The following HMCN1 variants were observed in gnomAD, a reference collection of about 807,000 sequenced individuals.
HMCN1 encodes hemicentin 1, also known as hemicentin-1.
HMCN1 carries 321 observed loss-of-function variants against 625.9 expected under a neutral mutation model. That is an observed-to-expected ratio of 0.51 (90% CI 0.47 to 0.56). The LOEUF (loss-of-function observed/expected upper bound fraction) is 0.56, where lower values mean the gene tolerates loss of function less well. Among genes scored for constraint, HMCN1 ranks in the 20% least tolerant of loss-of-function variants. HMCN1 has a pLI of 0.00. For synonymous variants in HMCN1, 2,425 were observed against 2,417.6 expected, an observed-to-expected ratio of 1.00 and a Z score of -0.09; for missense variants, 6,588 against 6,887.3, an observed-to-expected ratio of 0.96 and a Z score of 1.54.
At chr1:185,794,449 G>A (rs1194731950) in intron 1 of HMCN1, among the ~76,000 whole-genome samples, 2 of 150,548 alleles carry the variant, frequency 1.3e-5, no homozygotes, top group Non-Finnish European at 2.9e-5. Flanking sequence ...GCCAGTCTGA[G>A]TCCCAAAGCT....
At chr1:185,923,263 T>A in intron 7 of HMCN1, 127 bp from the exon 8 acceptor site, 1 of 750,038 alleles carries the variant, frequency 1.3e-6, no homozygotes, top group Non-Finnish European at 2.3e-6. Flanking sequence ...GAAACAATTC[T>A]GCAACTGATC....
chr1:185,857,513 T>C (rs1662545167), intron 2 of HMCN1, among the ~76,000 whole-genome samples: 1 of 151,974 alleles, frequency 6.6e-6, no homozygotes, highest in East Asian at 1.9e-4. Flanking sequence ...TTTTAGGAAA[T>C]ATATTTACAT....
intron 1 of HMCN1, among the ~76,000 whole-genome samples, chr1:185,735,248 G>A (rs568468627): frequency 6.6e-6 from 1 of 152,274 alleles, no homozygotes; most frequent in East Asian, 1.9e-4. Flanking sequence ...TGGTGGAGAT[G>A]GCTTGTTTAG....
At chr1:186,086,792 AGAT>A (rs1341224959) in intron 58 of HMCN1, among the ~76,000 whole-genome samples, 11 of 121,762 alleles carry the variant, frequency 9.0e-5, no homozygotes, top group African/African-American at 2.5e-4. Flanking sequence ...ATAGATAGAT[AGAT>A]GATAGATAGA....
intron 1 of HMCN1, among the ~76,000 whole-genome samples, chr1:185,743,785 A>T (rs936803385): frequency 2.0e-5 from 3 of 152,174 alleles, no homozygotes; most frequent in Non-Finnish European, 4.4e-5. Context: ...TGATGCTATC[A>T]TGGTTAAATA....
intron 55 of HMCN1, among the ~76,000 whole-genome samples, chr1:186,080,811 T>C (rs1325012386): frequency 6.6e-6 from 1 of 152,194 alleles, no homozygotes; most frequent in Admixed American, 6.5e-5. Flanking sequence ...GTGTAATTTT[T>C]CTGTCCCCTC....
At chr1:186,040,821 C>A (rs1656152679) in intron 39 of HMCN1, among the ~76,000 whole-genome samples, 192 bp from the exon 40 acceptor site, 1 of 151,196 alleles carries the variant, frequency 6.6e-6, no homozygotes, top group East Asian at 1.9e-4. Context: ...TTAATTCCAG[C>A]CTCTTAACAT....
At chr1:185,846,001 A>C in intron 1 of HMCN1, 25 bp from the exon 2 acceptor site, 6 of 1,481,672 alleles carry the variant, frequency 4.0e-6, no homozygotes, top group Non-Finnish European at 5.7e-6. Flanking sequence ...CTGTTTATTG[A>C]CCTATGTTAT....
chr1:185,776,274 G>A (rs1195443491), intron 1 of HMCN1, among the ~76,000 whole-genome samples: 2 of 152,036 alleles, frequency 1.3e-5, no homozygotes, highest in African/African-American at 4.8e-5. Context: ...GAGCACAGAT[G>A]TCTTTCTGCA....
chr1:186,093,614 C>G lies in HMCN1; in HGVS notation c.10141C>G (p.Leu3381Val). The change falls in exon 66 of 107, where the codon CTT becomes GTT. Residue 3381 changes from leucine to valine, a missense_variant. Coordinates refer to ENST00000271588, the MANE Select transcript of HMCN1 (RefSeq NM_031935.3). ...PPQINWLKNGLPLPLSSHIRL... is the reference protein window; with the variant it reads ...PPQINWLKNGVPLPLSSHIRL... Reference sequence around the variant, plus strand: ...ACAGATAAACTGGCTGAAGAATGGACTTCCTCTGCCTCTCTCCTCCCATAT... The same window carrying G: ...ACAGATAAACTGGCTGAAGAATGGAGTTCCTCTGCCTCTCTCCTCCCATAT... The G allele has an allele frequency of 6.2e-7, 1 of 1,613,458 alleles. No individual in the cohort carries two copies. The highest frequency in any genetic ancestry group is 8.5e-7 in the Non-Finnish European group (1 of 1,179,634).
rs764216904 is a variant in HMCN1 at position 186,190,093 on chromosome 1, TTTTA to T, written c.*222_*225del. The T allele has an allele frequency of 1.7e-5, 10 of 593,930 alleles. No individual in the cohort carries two copies. The highest frequency in any genetic ancestry group is 4.5e-4 in the Middle Eastern group (1 of 2,220). 36.8% of individuals were successfully genotyped at this position (593,930 alleles called of 1,614,324 possible). A position where few individuals can be genotyped will look rare whatever the true frequency, so the allele number is the denominator to read the frequency against. ...TATGGTCTAGAAAAGTCCCTTATTA[TTTTA>T]TTTATTACACTGGAGCAGTTACTTC... On this transcript the variant is annotated 3_prime_UTR_variant, in exon 107 of 107. Coordinates refer to ENST00000271588, the MANE Select transcript of HMCN1 (RefSeq NM_031935.3).
At chr1:185,997,583 T>C (rs1652890991) in intron 25 of HMCN1, 59 bp downstream of exon 25, 3 of 1,165,564 alleles carry the variant, frequency 2.6e-6, no homozygotes, top group Non-Finnish European at 3.9e-6. Flanking sequence ...CAGAATGCTA[T>C]ATTGAACCCA....
rs1658361713 is a variant in HMCN1 at position 185,796,196 on chromosome 1, T to C, written c.269-49830T>C. 2.6e-5 allele frequency among the ~76,000 whole-genome samples: 4 copies of C among 152,198 alleles called. No individual in the cohort carries two copies. The South Asian group carries it at 8.3e-4, about 32-fold the overall frequency. On this transcript the variant is annotated intron_variant, in intron 1 of 106. Transcript: ENST00000271588. Reference sequence around the variant, plus strand: ...ACATTAGGCATTAGTTAGATTCTTATAAGGAGTGCACAACCTAGGTCCCTT... The same window carrying C: ...ACATTAGGCATTAGTTAGATTCTTACAAGGAGTGCACAACCTAGGTCCCTT...
intron 97 of HMCN1, among the ~76,000 whole-genome samples, chr1:186,157,669 C>A (rs1235204020): frequency 7.9e-5 from 12 of 152,128 alleles, no homozygotes; most frequent in African/African-American, 2.7e-4. Flanking sequence ...CAGTTCCCAC[C>A]TATGAGTGAG....
rs550246886 is a variant in HMCN1 at position 185,952,123 on chromosome 1, C to T, written c.1829-10395C>T. 2.0e-3 allele frequency among the ~76,000 whole-genome samples: 306 copies of T among 151,834 alleles called. 5 individuals carry two copies. Among genetic ancestry groups the T allele is most frequent in the African/African-American group, 7.0e-3 (287 of 41,240 alleles). ...GATTTTTATATTTGATGAAAAAGAG[C>T]CTAAACGCTATCTGATTTGGGATAA... On this transcript the variant is annotated intron_variant, in intron 11 of 106. Coordinates refer to ENST00000271588, the MANE Select transcript of HMCN1 (RefSeq NM_031935.3).
In HMCN1 at chr1:186,087,261, G is replaced by A. The variant is rs200252994; in HGVS notation, c.9091G>A (p.Gly3031Ser). 1.5e-5 allele frequency: 24 copies of A among 1,613,180 alleles called. No homozygotes were observed. The East Asian group carries it at 3.6e-4, about 24-fold the overall frequency. The change falls in exon 59 of 107, where the codon GGT (glycine) becomes AGT (serine). Residue 3031 changes from glycine (G) to serine (S), a missense_variant. Gly to Ser is a moderately conservative substitution (Grantham distance 56). Transcript: ENST00000271588. ...QIIRAKVSDGGEYTCIAINQA... is the reference protein window; with the variant it reads ...QIIRAKVSDGSEYTCIAINQA... ...TATTCGGGCCAAGGTATCAGATGGT[G>A]GTGAATACACTTGTATAGCTATCAA...
intron 1 of HMCN1, among the ~76,000 whole-genome samples, chr1:185,781,523 G>T (rs1657105292): frequency 6.6e-6 from 1 of 152,138 alleles, no homozygotes; most frequent in Non-Finnish European, 1.5e-5. Flanking sequence ...CTTTAAATGT[G>T]TCCTGGCAAT....
At chr1:186,153,356 T>C (rs542090437) in intron 96 of HMCN1, among the ~76,000 whole-genome samples, 2 of 152,280 alleles carry the variant, frequency 1.3e-5, no homozygotes, top group South Asian at 2.1e-4. Context: ...ACAATTATTA[T>C]ACAAGTTTTA....
rs751065462 is a variant in HMCN1, at chr1:186,137,977, G to A, written c.13924+5G>A. 6.2e-7 allele frequency: 1 copy of A among 1,613,860 alleles called. No individual in the cohort carries two copies. Among genetic ancestry groups the A allele is most frequent in the Non-Finnish European group, 8.5e-7 (1 of 1,179,890 alleles). ...GCAACATTAGGCCTTGCCCAGGTGA[G>A]AAACCACCAATAATGCTAAGATAAA... On this transcript the variant is annotated splice_donor_5th_base_variant and intron_variant, in intron 89 of 106. Coordinates refer to ENST00000271588, the MANE Select transcript of HMCN1 (RefSeq NM_031935.3).
Sources: gnomAD v4.1 joint callset for allele counts (sites outside exome capture counted in the v4.1 genomes callset) on GRCh38, gnomAD v4.1.1 for gene constraint, MANE v1.5 for transcripts, NCBI Gene and HGNC (gene_info 2026-07-23, HGNC 2026-07-21) for gene names.